The following GASK1B variants were observed in gnomAD, a reference collection of about 807,000 sequenced individuals.
The protein encoded by GASK1B is Golgi-associated kinase 1B.
A neutral mutation model predicts 42.8 loss-of-function variants in GASK1B; 34 were observed. That is an observed-to-expected ratio of 0.79 (90% CI 0.60 to 1.06). The LOEUF is 1.06. GASK1B is among the 50% of genes least tolerant of loss of function. The pLI is 0.00. For synonymous variants in GASK1B, 262 were observed against 259.1 expected (o/e 1.01, Z -0.11); for missense variants, 686 against 661.0 (o/e 1.04, Z -0.42).
intron 3 of GASK1B, among the ~76,000 whole-genome samples, chr4:158,132,090 T>C (rs1730706197): frequency 6.6e-6 from 1 of 152,148 alleles, no homozygotes; most frequent in Admixed American, 6.5e-5. Context: ...CTCAGAGACA[T>C]TAAGTAACCT....
chr4:158,152,659 G>A (rs1731602881), intron 3 of GASK1B, among the ~76,000 whole-genome samples: 1 of 152,092 alleles, frequency 6.6e-6, no homozygotes, highest in South Asian at 2.1e-4. Flanking sequence ...ATGATCAAGT[G>A]GTTTCATACC....
rs763810803 is a variant in GASK1B at position 158,171,236 on chromosome 4, T to G, written c.140A>C (p.Tyr47Ser). 2 of 1,613,986 alleles carry G rather than the reference T, an allele frequency of 1.2e-6. No individual in the cohort carries two copies. The highest frequency in any genetic ancestry group is 1.7e-5 in the Admixed American group (1 of 60,016). ...NLLLGTACAI[Y>S]LGFLVSQVGR... is the part of the protein sequence containing the mutation. The stretch of plus-strand genomic sequence containing the variant: ...CACCTGGCTCACCAGGAAGCCCAAG[T>G]AGATGGCACACGCAGTGCCCAGCAG... The change falls in exon 2 of 5, where the codon TAC becomes TCC. Residue 47 changes from tyrosine (Y) to serine (S), a missense_variant. Tyr to Ser is a moderately radical substitution (Grantham distance 144). Coordinates refer to ENST00000585682, the MANE Select transcript of GASK1B (RefSeq NM_001128424.2).
At chr4:158,143,766 A>G (rs1226266990) in intron 3 of GASK1B, among the ~76,000 whole-genome samples, 1 of 152,170 alleles carries the variant, frequency 6.6e-6, no homozygotes, top group Non-Finnish European at 1.5e-5. Context: ...ATTTACTTCT[A>G]GACATCAAGT....
Position 158,170,647 on chromosome 4 carries a change from T to G in GASK1B, c.729A>C (p.Gly243=). Residue 243 remains glycine, a synonymous_variant, in exon 2 of 5, where the codon GGA becomes GGC. Coordinates refer to ENST00000585682, the MANE Select transcript of GASK1B (RefSeq NM_001128424.2). ...AGLRPVSSRS[G]ARLLVLEGGA... Reference sequence around the variant, plus strand: ...CCCCCTCCAGCACCAGCAAACGGGCTCCGCTCCTAGAGGACACAGGCCGGA... The same window carrying G: ...CCCCCTCCAGCACCAGCAAACGGGCGCCGCTCCTAGAGGACACAGGCCGGA... The G allele has an allele frequency of 6.2e-7, 1 of 1,613,946 alleles. No individual in the cohort carries two copies. The highest frequency in any genetic ancestry group is 8.5e-7 in the Non-Finnish European group (1 of 1,180,036).
chr4:158,155,752 A>T lies in GASK1B; in HGVS notation c.984T>A (p.Val328=), dbSNP rs1357756827. 3 of 1,613,804 alleles carry T rather than the reference A, an allele frequency of 1.9e-6. No individual in the cohort carries two copies. Among genetic ancestry groups the T allele is most frequent in the African/African-American group, 1.3e-5 (1 of 74,924 alleles). The change falls in exon 3 of 5, where the codon GTT becomes GTA. Residue 328 remains valine (V), a synonymous_variant. Coordinates refer to ENST00000585682, the MANE Select transcript of GASK1B (RefSeq NM_001128424.2). ...SSASNDTHSS[V]KLTWGTYQQL... ...GCTGATAAGTTCCCCAGGTGAGCTT[A>T]ACAGAAGAATGGGTGTCATTACTTG...
At chr4:158,132,928 G>A (rs548504999) in intron 3 of GASK1B, among the ~76,000 whole-genome samples, 25 of 152,230 alleles carry the variant, frequency 1.6e-4, no homozygotes, top group African/African-American at 6.0e-4. Context: ...AGAATAAGAA[G>A]GTTTCCCAAA....
In GASK1B at chr4:158,127,456, A is replaced by G. The variant is rs1336076310; in HGVS notation, c.1511T>C (p.Ile504Thr). ...GACCCCGTGTGCATTGATATAGGTGATAAGAATTTTGGCTCTGTGTTCTAT... is the reference window on the plus strand; with the variant it reads ...GACCCCGTGTGCATTGATATAGGTGGTAAGAATTTTGGCTCTGTGTTCTAT... ...DVIEHRAKIL[I>T]TYINAHGVKV... The change falls in exon 5 of 5, where the codon ATC becomes ACC. Residue 504 changes from isoleucine (I) to threonine (T), a missense_variant. By Grantham distance (89) the Ile-to-Thr change is moderately conservative (BLOSUM62 -1). Transcript: ENST00000585682. 2 of 1,613,642 alleles carry G rather than the reference A, an allele frequency of 1.2e-6. No homozygotes were observed. Among genetic ancestry groups the G allele is most frequent in the African/African-American group, 2.7e-5 (2 of 74,886 alleles).
At chr4:158,150,839 G>A (rs2110980034) in intron 3 of GASK1B, among the ~76,000 whole-genome samples, 1 of 152,284 alleles carries the variant, frequency 6.6e-6, no homozygotes, top group South Asian at 2.1e-4. Context: ...CAAGTCAAAT[G>A]TCTTACTCCC....
intron 2 of GASK1B, 68 bp downstream of exon 2, chr4:158,170,398 T>G (rs751941573): frequency 2.5e-6 from 4 of 1,612,726 alleles, no homozygotes; most frequent in Non-Finnish European, 3.4e-6. Flanking sequence ...AAAAAGAGAG[T>G]GAGGGAAAAA....
At chr4:158,164,809 C>A (rs557747698) in intron 2 of GASK1B, among the ~76,000 whole-genome samples, 75 of 152,268 alleles carry the variant, frequency 4.9e-4, no homozygotes, top group Admixed American at 1.6e-3. Flanking sequence ...AGCTGACATC[C>A]CCCTGCCTCG....
intron 2 of GASK1B, among the ~76,000 whole-genome samples, chr4:158,158,319 T>C (rs565466272): frequency 2.6e-5 from 4 of 152,100 alleles, no homozygotes; most frequent in Non-Finnish European, 4.4e-5. Flanking sequence ...AATCACATAA[T>C]TCATCAGGCT....
chr4:158,135,451 T>C (rs1037874490), intron 3 of GASK1B, among the ~76,000 whole-genome samples: 3 of 151,790 alleles, frequency 2.0e-5, no homozygotes, highest in Non-Finnish European at 4.4e-5. Flanking sequence ...AGGAACTGTA[T>C]ACTTAATGCT....
chr4:158,127,379 C>G lies in GASK1B; in HGVS notation c.*28G>C. On this transcript the variant is annotated 3_prime_UTR_variant, in exon 5 of 5. Transcript: ENST00000585682. ...CAAAACCAAAAATGCATAAATATAT[C>G]TAACACCCTAGCCAGAAGATTCTTT... 6.3e-7 allele frequency: 1 copy of G among 1,594,216 alleles called. No homozygotes were observed. The highest frequency in any genetic ancestry group is 8.6e-7 in the Non-Finnish European group (1 of 1,166,596).
chr4:158,134,988 G>C (rs933097694), intron 3 of GASK1B, among the ~76,000 whole-genome samples: 19 of 152,122 alleles, frequency 1.2e-4, no homozygotes, highest in Middle Eastern at 3.2e-3. Flanking sequence ...CCTCAAAACA[G>C]TATGATTAAA....
chr4:158,140,055 C>T (rs947819045), intron 3 of GASK1B, among the ~76,000 whole-genome samples: 1 of 152,132 alleles, frequency 6.6e-6, no homozygotes, highest in Non-Finnish European at 1.5e-5. Context: ...ACTGCAGTGG[C>T]AGTGAAGAGT....
chr4:158,162,329 A>G (rs186369508), intron 2 of GASK1B, among the ~76,000 whole-genome samples: 40 of 152,282 alleles, frequency 2.6e-4, no homozygotes, highest in African/African-American at 9.4e-4. Context: ...AGAGCTCTGA[A>G]GAACAGAGAC....
At chr4:158,133,771 G>C (rs1351246947) in intron 3 of GASK1B, among the ~76,000 whole-genome samples, 1 of 152,192 alleles carries the variant, frequency 6.6e-6, no homozygotes, top group African/African-American at 2.4e-5. Flanking sequence ...CTGACAGACT[G>C]TTGTGCCATT....
At position 158,130,560 on chromosome 4, in the gene GASK1B, C is replaced by A. The variant is rs147856765; in HGVS notation, c.1352+226G>T. ...GCAACATCATGAATGTGAAATGTAG[C>A]ATGCACTTTGTAGGCGGTATTGGTT... On this transcript the variant is annotated intron_variant, in intron 4 of 4. Transcript: ENST00000585682. Among the ~76,000 whole-genome samples, 204 of 152,304 alleles carry A rather than the reference C, an allele frequency of 1.3e-3. 1 individual carries two copies. The highest frequency in any genetic ancestry group is 4.4e-3 in the African/African-American group (181 of 41,578).
chr4:158,156,559 G>C (rs1731768203), intron 2 of GASK1B, among the ~76,000 whole-genome samples: 1 of 152,114 alleles, frequency 6.6e-6, no homozygotes, highest in Non-Finnish European at 1.5e-5. Flanking sequence ...GTTTAGAAAT[G>C]TAATTTCTTT....
Sources: allele counts gnomAD v4.1 joint callset (sites outside exome capture counted in the v4.1 genomes callset), GRCh38; gene constraint gnomAD v4.1.1; transcripts MANE v1.5; gene names NCBI Gene and HGNC (gene_info 2026-07-23, HGNC 2026-07-21).